The following ADA2 variants were observed in gnomAD, a reference collection of about 807,000 sequenced individuals.
ADA2 encodes adenosine deaminase CECR1.
Under a neutral mutation model 44.2 loss-of-function variants are expected in ADA2, and 29 were observed. The observed-to-expected ratio is 0.66, with a 90% confidence interval of 0.49 to 0.89. The LOEUF (loss-of-function observed/expected upper bound fraction) is 0.89. ADA2 is among the 40% of genes least tolerant of loss of function. ADA2 has a pLI of 0.00. For synonymous variants in ADA2, 215 were observed against 234.9 expected (o/e 0.92, Z 0.77); for missense variants, 637 against 644.8 (o/e 0.99, Z 0.13).
Position 17,198,036 on chromosome 22 carries a change from C to CT in ADA2, c.753+5526dup, listed in dbSNP as rs1304416839. 7.2e-4 allele frequency among the ~76,000 whole-genome samples: 104 copies of CT among 144,030 alleles called. 2 individuals carry two copies. The highest frequency in any genetic ancestry group is 6.9e-3 in the Admixed American group (97 of 14,060). The allele number at this position is 144,030 out of a possible 152,430, so 94.5% of individuals were successfully genotyped here. A position where few individuals can be genotyped will look rare whatever the true frequency, so the allele number is the denominator to read the frequency against. On this transcript the variant is annotated intron_variant, in intron 4 of 9. Coordinates refer to ENST00000399837, the MANE Select transcript of ADA2 (RefSeq NM_001282225.2). ...CTGGGCAACAAGAACGAAACTCCGT[C>CT]TCAAAAAAAAAAAAAACAAAAAAAT... is the stretch of plus-strand genomic sequence containing the variant.
intron 4 of ADA2, chr22:17,199,845 G>A: frequency 2.9e-6 from 3 of 1,029,294 alleles, no homozygotes; most frequent in Non-Finnish European, 3.9e-6. Flanking sequence ...TTGGGAGGCC[G>A]ACGTGGGTGT....
At position 17,181,891 on chromosome 22, in the gene ADA2, C is replaced by T. The variant is rs754552946; in HGVS notation, c.1371G>A (p.Glu457=). 8 of 1,614,126 alleles carry T rather than the reference C, an allele frequency of 5.0e-6. No homozygotes were observed. Among genetic ancestry groups the T allele is most frequent in the Non-Finnish European group, 6.8e-6 (8 of 1,179,994 alleles). Reference sequence around the variant, plus strand: ...TCATCCCCCCAATGCCCATGAAGACCTCATAGAAATCATAGGACAAGCCTT... The same window carrying T: ...TCATCCCCCCAATGCCCATGAAGACTTCATAGAAATCATAGGACAAGCCTT... ...GAKGLSYDFY[E]VFMGIGGMKA... is the part of the protein sequence containing the mutation. The change falls in exon 9 of 10, where the codon GAG becomes GAA. Residue 457 remains glutamate (E), a synonymous_variant. Transcript: ENST00000399837.
chr22:17,207,352 C>A, intron 2 of ADA2, 62 bp from the exon 3 acceptor site: 2 of 1,265,088 alleles, frequency 1.6e-6, no homozygotes, highest in Non-Finnish European at 2.3e-6. Flanking sequence ...GACTCCAGGG[C>A]TTGGGGACAA....
rs1056048730 is a variant in ADA2, at chr22:17,179,230, C to G, written c.*2253G>C. Reference sequence around the variant, plus strand: ...GAGCTGGACTCTGATCACATGAGGTCTTTTATTTGGGGCGGCTCTGCTCTA... The same window carrying G: ...GAGCTGGACTCTGATCACATGAGGTGTTTTATTTGGGGCGGCTCTGCTCTA... On this transcript the variant is annotated 3_prime_UTR_variant, in exon 10 of 10. Coordinates refer to ENST00000399837, the MANE Select transcript of ADA2 (RefSeq NM_001282225.2). The G allele has an allele frequency of 6.6e-6, 1 of 152,324 alleles. No homozygotes were observed. The highest frequency in any genetic ancestry group is 1.5e-5 in the Non-Finnish European group (1 of 68,078). The allele number at this position is 152,324 out of a possible 1,614,324, so 9.4% of individuals were successfully genotyped here.
rs572619977 is a variant in ADA2, at chr22:17,212,008, TTTTTC to T, written c.-46-2290_-46-2286del. On this transcript the variant is annotated intron_variant, in intron 1 of 9. Transcript: ENST00000399837. ...TAACAGAATGAAGAGACAACCTATTTTTTTCTTTTCTTTTCTTTTCTTTTCTTTTG... is the reference window on the plus strand; with the variant it reads ...TAACAGAATGAAGAGACAACCTATTTTTTTCTTTTCTTTTCTTTTCTTTTG... 6.4e-3 allele frequency among the ~76,000 whole-genome samples: 964 copies of T among 151,804 alleles called. 13 individuals carry two copies. The highest frequency in any genetic ancestry group is 0.02 in the African/African-American group (818 of 41,440).
At position 17,182,006 on chromosome 22, in the gene ADA2, G is replaced by A; in HGVS notation, c.1256C>T (p.Ser419Phe). 6.2e-7 allele frequency: 1 copy of A among 1,613,814 alleles called. No homozygotes were observed. The highest frequency in any genetic ancestry group is 8.5e-7 in the Non-Finnish European group (1 of 1,179,826). ...PISNQVLKLV[S>F]DLRNHPVATL... ...GGCTACAGGGTGGTTCCTCAAGTCA[G>A]ACACCAGTTTCAGCACCTGCGCAAT... The change falls in exon 9 of 10, where the codon TCT (serine) becomes TTT (phenylalanine). Residue 419 changes from serine (S) to phenylalanine (F), a missense_variant. Transcript: ENST00000399837.
chr22:17,182,092 G>C, intron 8 of ADA2, 70 bp from the exon 9 acceptor site: 2 of 1,262,840 alleles, frequency 1.6e-6, no homozygotes, highest in Non-Finnish European at 2.3e-6. Context: ...AGTGAGGTGA[G>C]ACCTTGAGCC....
intron 1 of ADA2, among the ~76,000 whole-genome samples, chr22:17,214,473 G>C (rs1257041797): frequency 6.6e-6 from 1 of 152,216 alleles, no homozygotes; most frequent in East Asian, 1.9e-4. Context: ...TTATCCCCGA[G>C]TTGCATCTAA....
chr22:17,199,593 A>G (rs2062247023), intron 4 of ADA2: 1 of 1,614,060 alleles, frequency 6.2e-7, no homozygotes, highest in Non-Finnish European at 8.5e-7. Flanking sequence ...CCTCCGGAAA[A>G]AGGAAAATTG....
chr22:17,197,825 G>A lies in ADA2; in HGVS notation c.753+5738C>T, dbSNP rs112733160. On this transcript the variant is annotated intron_variant, in intron 4 of 9. Transcript: ENST00000399837. Reference sequence around the variant, plus strand: ...AGGCCAAGGCGGGCGGATCACCTGAGGTCACGAATTCGAGACCAGCCTGAC... The same window carrying A: ...AGGCCAAGGCGGGCGGATCACCTGAAGTCACGAATTCGAGACCAGCCTGAC... Among the ~76,000 whole-genome samples, 371 of 152,242 alleles carry A rather than the reference G, an allele frequency of 2.4e-3. 1 individual carries two copies. Among genetic ancestry groups the A allele is most frequent in the African/African-American group, 8.3e-3 (345 of 41,566 alleles).
intron 7 of ADA2, among the ~76,000 whole-genome samples, chr22:17,184,870 A>G (rs2062016707): frequency 6.9e-6 from 1 of 144,120 alleles, no homozygotes; most frequent in Non-Finnish European, 1.5e-5. Flanking sequence ...TGGAGGCTGT[A>G]GTGAGCTGTG....
At chr22:17,218,553 A>G (rs1480505123) in intron 1 of ADA2, among the ~76,000 whole-genome samples, 1 of 152,016 alleles carries the variant, frequency 6.6e-6, no homozygotes, top group Non-Finnish European at 1.5e-5. Context: ...CTCCATCAAC[A>G]GCCCCGCCCC....
intron 4 of ADA2, among the ~76,000 whole-genome samples, chr22:17,194,930 C>T (rs1322975411): frequency 6.6e-6 from 1 of 151,858 alleles, no homozygotes; most frequent in African/African-American, 2.4e-5. Flanking sequence ...GTGAAGGTGT[C>T]GCCCTCCCCT....
At chr22:17,192,863 G>A (rs1183055007) in intron 4 of ADA2, 15 of 430,686 alleles carry the variant, frequency 3.5e-5, no homozygotes, top group South Asian at 1.1e-4. Flanking sequence ...TCTCTTCCTC[G>A]GCGCTGCCTA....
At chr22:17,199,431 T>TCTATACTCTTCCCCTCCCTCCCCTCCA in intron 4 of ADA2, 1 of 930,072 alleles carries the variant, frequency 1.1e-6, no homozygotes. Flanking sequence ...CCTCCCCTCC[T>TCTATACTCTTCCCCTCCCTCCCCTCCA]CTATCCTCTT....
rs770637604 is a variant in ADA2, at chr22:17,207,100, C to T, written c.513G>A (p.Arg171=). The change falls in exon 3 of 10, where the codon CGG becomes CGA. Residue 171 remains arginine (R), a synonymous_variant. Transcript: ENST00000399837. ...KWILLEDYRK[R]VQNVTEFDDS... Reference sequence around the variant, plus strand: ...CATCAAACTCAGTGACGTTCTGCACCCGCTTCCGATAATCCTCCAGCAGAA... The same window carrying T: ...CATCAAACTCAGTGACGTTCTGCACTCGCTTCCGATAATCCTCCAGCAGAA... 6.2e-7 allele frequency: 1 copy of T among 1,614,176 alleles called. No homozygotes were observed.
chr22:17,181,284 C>A lies in ADA2; in HGVS notation c.*199G>T. 1 of 581,230 alleles carries A rather than the reference C, an allele frequency of 1.7e-6. No homozygotes were observed. The highest frequency in any genetic ancestry group is 3.1e-6 in the Non-Finnish European group (1 of 323,526). 36.0% of individuals were successfully genotyped at this position (581,230 alleles called of 1,614,324 possible). A position where few individuals can be genotyped will look rare whatever the true frequency, so the allele number is the denominator to read the frequency against. ...GAAATGGCCAGAGACAGGAGAAAAC[C>A]AAGAGGGTCAATGTCACTGTGGCTG... On this transcript the variant is annotated 3_prime_UTR_variant, in exon 10 of 10. Transcript: ENST00000399837.
At position 17,207,132 on chromosome 22, in the gene ADA2, T is replaced by G; in HGVS notation, c.481A>C (p.Lys161Gln). The change falls in exon 3 of 10, where the codon AAG becomes CAG. Residue 161 changes from lysine to glutamine, a missense_variant. Lys to Gln is a moderately conservative substitution (Grantham distance 53, BLOSUM62 1). Transcript: ENST00000399837. ...CGATAATCCTCCAGCAGAATCCACT[T>G]GGAACATTTTTCTGATGGACGGGGA... The part of the protein sequence containing the change: ...PTPRPSEKCS[K>Q]WILLEDYRKR... The G allele has an allele frequency of 6.2e-7, 1 of 1,614,228 alleles. No individual in the cohort carries two copies. The highest frequency in any genetic ancestry group is 8.5e-7 in the Non-Finnish European group (1 of 1,180,032).
At position 17,209,296 on chromosome 22, in the gene ADA2, G is replaced by T. The variant is rs2062390668; in HGVS notation, c.322+60C>A. On this transcript the variant is annotated intron_variant, in intron 2 of 9. Coordinates refer to ENST00000399837, the MANE Select transcript of ADA2 (RefSeq NM_001282225.2). ...AGCAACAGCCACAAGCACAGTAATAGCCCCAAGATGAGTCCCTCTACCTTC... is the reference window on the plus strand; with the variant it reads ...AGCAACAGCCACAAGCACAGTAATATCCCCAAGATGAGTCCCTCTACCTTC... 2.0e-5 allele frequency: 27 copies of T among 1,364,316 alleles called. No individual in the cohort carries two copies. The South Asian group carries it at 3.0e-4, about 15-fold the overall frequency. 84.5% of individuals were successfully genotyped at this position (1,364,316 alleles called of 1,614,324 possible).
Sources: gnomAD v4.1 joint callset for allele counts (sites outside exome capture counted in the v4.1 genomes callset) on GRCh38, gnomAD v4.1.1 for gene constraint, MANE v1.5 for transcripts, NCBI Gene and HGNC (gene_info 2026-07-23, HGNC 2026-07-21) for gene names.